The following FLNA variants were observed in gnomAD, a reference collection of about 807,000 sequenced individuals.
FLNA encodes the protein filamin A.
FLNA carries 7 observed loss-of-function variants against 157.6 expected under a neutral mutation model. The ratio of observed to expected loss-of-function variants is 0.04; its 90% CI spans 0.03 to 0.08. The LOEUF is 0.08. Ranked by LOEUF, FLNA falls within the 10% of genes least tolerant of loss-of-function variation. The probability of loss-of-function intolerance (pLI) is 1.00; values close to 1 mark genes in which losing one functional copy is unlikely to be tolerated. For missense variants in FLNA, 1,750 were observed against 2,398.4 expected, an observed-to-expected ratio of 0.73 and a Z score of 5.65; for synonymous variants, 1,103 against 1,060.8, an observed-to-expected ratio of 1.04 and a Z score of -0.77.
At chrX:154,365,618 C>A in intron 9 of FLNA, 132 bp from the exon 10 acceptor site, 1 of 799,535 alleles carries the variant, frequency 1.3e-6, no homozygotes, top group South Asian at 2.4e-5. Flanking sequence ...CAAGACAGAA[C>A]TGGAAGGGAC....
rs782367625 is a variant in FLNA at position 154,362,335 on chromosome X, G to A, written c.2566-3C>T. 3 of 1,208,602 alleles carry A rather than the reference G, an allele frequency of 2.5e-6. No homozygotes were observed. Among genetic ancestry groups the A allele is most frequent in the African/African-American group, 3.5e-5 (2 of 57,246 alleles). On this transcript the variant is annotated splice_polypyrimidine_tract_variant and splice_region_variant and intron_variant, in intron 17 of 47. Transcript: ENST00000369850. Reference sequence around the variant, plus strand: ...CGGATGGGGCTGGTGGGCGTGGCCTGCAGGCAGTGGGAGGAGAAGGCCTTA... The same window carrying A: ...CGGATGGGGCTGGTGGGCGTGGCCTACAGGCAGTGGGAGGAGAAGGCCTTA...
Position 154,364,673 on chromosome X carries a change from G to T in FLNA, c.1875C>A (p.Asp625Glu). The change falls in exon 13 of 48, where the codon GAC becomes GAA. Residue 625 changes from aspartate to glutamate, a missense_variant. This residue lies in a region of FLNA where 648 missense variants were observed against 805.8 expected (regional missense o/e 0.80). Transcript: ENST00000369850. ...GPSQAKIECD[D>E]KGDGSCDVRY... ...GCACATCACAGGAGCCGTCGCCCTT[G>T]TCGTCACATTCGATCTTAGCCTGCG... The T allele has an allele frequency of 8.3e-7, 1 of 1,210,577 alleles. No homozygotes were observed. Among genetic ancestry groups the T allele is most frequent in the Non-Finnish European group, 1.1e-6 (1 of 895,284 alleles).
chrX:154,370,535 G>A (rs1557180108), intron 2 of FLNA, among the ~76,000 whole-genome samples: 4 of 112,801 alleles, frequency 3.5e-5, no homozygotes, highest in African/African-American at 9.6e-5. Flanking sequence ...GGGACGGGGC[G>A]CAGGGCCAGG....
At position 154,362,212 on chromosome X, in the gene FLNA, C is replaced by T. The variant is rs373150671; in HGVS notation, c.2656+30G>A. ...CCAAGCCCTCCTACCCTTGATGCCC[C>T]GCAACCTGCCATGGGGTACCTGTCC... On this transcript the variant is annotated intron_variant, in intron 18 of 47. Transcript: ENST00000369850. 5.6e-4 allele frequency: 675 copies of T among 1,206,962 alleles called. 1 individual carries two copies. The highest frequency in any genetic ancestry group is 9.8e-4 in the Admixed American group (45 of 45,924).
Position 154,366,336 on chromosome X carries a change from C to A in FLNA, c.1200G>T (p.Lys400Asn), listed in dbSNP as rs781879374. The A allele has an allele frequency of 1.3e-5, 16 of 1,212,346 alleles. No homozygotes were observed. The highest frequency in any genetic ancestry group is 1.8e-5 in the Non-Finnish European group (16 of 895,634). ...CCGTAAAGATCTCAAAGTAGGTGGT[C>A]TTGTTGGCGATGTTGCCACTGGGCT... Reference protein sequence around the residue: ...GLEPSGNIANKTTYFEIFTAG... With the variant: ...GLEPSGNIANNTTYFEIFTAG... Residue 400 changes from lysine (K) to asparagine (N), a missense_variant, in exon 8 of 48, where the codon AAG becomes AAT. Physicochemically the swap from Lys to Asn is moderately conservative, Grantham distance 94. Around this residue, in one of 5 missense-constraint regions of FLNA, gnomAD observed 648 missense variants for 805.8 expected, o/e 0.80. Transcript: ENST00000369850.
Position 154,349,459 on chromosome X carries a change from C to G in FLNA, c.7659G>C (p.Gly2553=), listed in dbSNP as rs909656307. The G allele has an allele frequency of 6.6e-6, 8 of 1,212,021 alleles. No homozygotes were observed. Among genetic ancestry groups the G allele is most frequent in the Admixed American group, 4.3e-5 (2 of 46,186 alleles). Residue 2553 remains glycine (G), a synonymous_variant, in exon 47 of 48, where the codon GGG becomes GGC. Coordinates refer to ENST00000369850, the MANE Select transcript of FLNA (RefSeq NM_001110556.2). The part of the protein sequence containing the change: ...CAPQHGAPGP[G]PADASKVVAK... ...CCACCACCTTGCTGGCGTCAGCAGG[C>G]CCAGGACCCGGGGCCCCATGCTGGG...
intron 19 of FLNA, 56 bp from the exon 20 acceptor site, chrX:154,361,843 ACCCCCT>A: frequency 9.0e-7 from 1 of 1,109,116 alleles, no homozygotes; most frequent in Non-Finnish European, 1.2e-6. Flanking sequence ...TTGCTCCCCA[ACCCCCT>A]CCTGGACCTC....
chrX:154,373,525 C>G, intron 1 of FLNA, among the ~76,000 whole-genome samples: 1 of 112,606 alleles, frequency 8.9e-6, no homozygotes, highest in Non-Finnish European at 1.9e-5. Flanking sequence ...CCAGCTCTTT[C>G]ATATTTTCCC....
In FLNA at chrX:154,365,248, G is replaced by A. The variant is rs202029322; in HGVS notation, c.1579C>T (p.Arg527Cys). 6.2e-4 allele frequency: 749 copies of A among 1,210,363 alleles called. No homozygotes were observed. The highest frequency in any genetic ancestry group is 7.6e-4 in the Non-Finnish European group (676 of 895,193). ...VTVKGPKGEE[R>C]VKQKDLGDGV... ...TCCCCCAGGTCCTTCTGCTTCACGC[G>A]CTCCTCTCCCTCTGCCAAGACAAGG... Residue 527 changes from arginine (R) to cysteine (C), a missense_variant, in exon 11 of 48, where the codon CGC (arginine) becomes TGC (cysteine). Physicochemically the swap from Arg to Cys is radical, Grantham distance 180. Around this residue, in one of 5 missense-constraint regions of FLNA, gnomAD observed 648 missense variants for 805.8 expected, o/e 0.80. Transcript: ENST00000369850.
At position 154,349,406 on chromosome X, in the gene FLNA, T is replaced by A. The variant is rs781930608; in HGVS notation, c.7712A>T (p.Tyr2571Phe). The change falls in exon 47 of 48, where the codon TAC becomes TTC. Residue 2571 changes from tyrosine (Y) to phenylalanine (F), a missense_variant. Tyr to Phe is a conservative substitution (Grantham distance 22, BLOSUM62 3). This residue lies in a region of FLNA where 970 missense variants were observed against 1,302.6 expected (regional missense o/e 0.74). Transcript: ENST00000369850. Reference protein sequence around the residue: ...VAKGLGLSKAYVGQKSSFTVD... With the variant: ...VAKGLGLSKAFVGQKSSFTVD... ...TGTGAAGCTGCTCTTCTGGCCTACG[T>A]AGGCCTTGCTCAGCCCCAGGCCCTT... The A allele has an allele frequency of 1.7e-6, 2 of 1,212,002 alleles. No homozygotes were observed. Among genetic ancestry groups the A allele is most frequent in the South Asian group, 3.5e-5 (2 of 57,083 alleles).
rs1419600660 is a variant in FLNA at position 154,365,069 on chromosome X, G to A, written c.1691+67C>T. ...CCCATGTGGCCCCTCATCATCAGGT[G>A]GGGAGGCAGAAGGAAGAGAAGAGGC... On this transcript the variant is annotated intron_variant, in intron 11 of 47. Transcript: ENST00000369850. The A allele has an allele frequency of 9.1e-6, 11 of 1,204,476 alleles. No homozygotes were observed. The African/African-American group carries it at 1.4e-4, about 15-fold the overall frequency.
Position 154,348,840 on chromosome X carries a change from G to A in FLNA, c.*9C>T. 1 of 1,194,921 alleles carries A rather than the reference G, an allele frequency of 8.4e-7. No individual in the cohort carries two copies. The highest frequency in any genetic ancestry group is 3.0e-5 in the East Asian group (1 of 33,519). Reference sequence around the variant, plus strand: ...GCTTGGGGGCTGCCGGCTGGCACGGGCCCCAGACTCAGGGCACCACAACGC... The same window carrying A: ...GCTTGGGGGCTGCCGGCTGGCACGGACCCCAGACTCAGGGCACCACAACGC... On this transcript the variant is annotated 3_prime_UTR_variant, in exon 48 of 48. Transcript: ENST00000369850.
Position 154,357,280 on chromosome X carries a change from G to A in FLNA, c.4946-6C>T, listed in dbSNP as rs1478533248. 4 of 1,211,092 alleles carry A rather than the reference G, an allele frequency of 3.3e-6. No homozygotes were observed. The East Asian group carries it at 8.9e-5, about 27-fold the overall frequency. Reference sequence around the variant, plus strand: ...CCCGTGACCTCCGATTGACACTGAGGTGAGAGGGCAGAGAGCAAGGAGAAA... The same window carrying A: ...CCCGTGACCTCCGATTGACACTGAGATGAGAGGGCAGAGAGCAAGGAGAAA... On this transcript the variant is annotated splice_polypyrimidine_tract_variant and splice_region_variant and intron_variant, in intron 29 of 47. Transcript: ENST00000369850.
chrX:154,356,507 G>C (rs1557176876), intron 30 of FLNA, among the ~76,000 whole-genome samples: 1 of 112,133 alleles, frequency 8.9e-6, no homozygotes. Flanking sequence ...CAAAACTCTA[G>C]CCACCCTCTC....
intron 2 of FLNA, among the ~76,000 whole-genome samples, chrX:154,370,089 C>T (rs2067793469): frequency 8.9e-6 from 1 of 111,928 alleles, no homozygotes; most frequent in Non-Finnish European, 1.9e-5. Context: ...CTCTCCAGTC[C>T]AGTGACACAG....
In FLNA at chrX:154,352,539, C is replaced by T; in HGVS notation, c.6502+14G>A. On this transcript the variant is annotated intron_variant, in intron 40 of 47. Coordinates refer to ENST00000369850, the MANE Select transcript of FLNA (RefSeq NM_001110556.2). ...AGCCCCAGGACCCCTCCCCAGGCTT[C>T]CCACAGCCCCTACCAGGGATTTTCA... 1.7e-6 allele frequency: 2 copies of T among 1,211,659 alleles called. No homozygotes were observed. Among genetic ancestry groups the T allele is most frequent in the African/African-American group, 1.7e-5 (1 of 57,986 alleles).
chrX:154,365,295 A>G (rs376456656), intron 10 of FLNA, 36 bp from the exon 11 acceptor site: 1 of 1,211,942 alleles, frequency 8.3e-7, no homozygotes, highest in African/African-American at 1.7e-5. Flanking sequence ...CCTGCCCAGC[A>G]GTGAACCCGG....
rs782081769 is a variant in FLNA at position 154,365,144 on chromosome X, G to A, written c.1683C>T (p.Ile561=). The part of the protein sequence containing the change: ...IVTITWGGQN[I]GRSPFEVKVG... ...ATGCCTGGGGGCCTCACCTGCGCCC[G>A]ATGTTCTGACCACCCCACGTGATGG... Residue 561 remains isoleucine, a synonymous_variant, in exon 11 of 48, where the codon ATC becomes ATT. Coordinates refer to ENST00000369850, the MANE Select transcript of FLNA (RefSeq NM_001110556.2). 9.9e-6 allele frequency: 12 copies of A among 1,210,255 alleles called. No homozygotes were observed. Among genetic ancestry groups the A allele is most frequent in the Middle Eastern group, 2.3e-4 (1 of 4,353 alleles).
At chrX:154,363,669 C>T (rs1225095245) in intron 15 of FLNA, among the ~76,000 whole-genome samples, 1 of 111,101 alleles carries the variant, frequency 9.0e-6, no homozygotes, top group African/African-American at 3.3e-5. Context: ...GCCGAGATCG[C>T]GCCATTGCAC....
Sources: gnomAD v4.1 joint callset for allele counts (sites outside exome capture counted in the v4.1 genomes callset) on GRCh38, gnomAD v4.1.1 for gene constraint, gnomAD v4.1.1 regional missense constraint, MANE v1.5 for transcripts, NCBI Gene and HGNC (gene_info 2026-07-23, HGNC 2026-07-21) for gene names.